The following TMEM135 variants were observed in gnomAD, a reference collection of about 807,000 sequenced individuals.
The protein encoded by TMEM135 is peroxisomal membrane protein 52.
Under a neutral mutation model 60.3 loss-of-function variants are expected in TMEM135, and 30 were observed. That is an observed-to-expected ratio of 0.50 (90% confidence interval 0.37 to 0.68). The LOEUF is 0.68. TMEM135 is among the 30% of genes least tolerant of loss of function. The pLI, the probability that TMEM135 is intolerant of heterozygous loss-of-function variation, is 0.00. For missense variants in TMEM135, 468 were observed against 548.8 expected (o/e 0.85, Z 1.47); for synonymous variants, 190 against 186.7 (o/e 1.02, Z -0.14).
chr11:87,278,381 C>G (rs1030215095), intron 6 of TMEM135, among the ~76,000 whole-genome samples: 1 of 144,938 alleles, frequency 6.9e-6, no homozygotes, highest in African/African-American at 2.5e-5. Flanking sequence ...AATTTTCGTT[C>G]TTTTTTTTTT....
At chr11:87,247,517 G>A (rs913334858) in intron 6 of TMEM135, among the ~76,000 whole-genome samples, 1 of 152,148 alleles carries the variant, frequency 6.6e-6, no homozygotes, top group Non-Finnish European at 1.5e-5. Context: ...CCCAGTTCGA[G>A]CTTCCCAGCT....
At position 87,319,339 on chromosome 11, in the gene TMEM135, A is replaced by G. The variant is rs777725220; in HGVS notation, c.1206A>G (p.Pro402=). 1.7e-5 allele frequency: 27 copies of G among 1,613,464 alleles called. No homozygotes were observed. The South Asian group carries it at 2.5e-4, about 15-fold the overall frequency. Reference sequence around the variant, plus strand: ...TCATGGAAGTTCAGACTTTGAGACCATCTTACTGGAAGTTCCTTTTAAGAC... The same window carrying G: ...TCATGGAAGTTCAGACTTTGAGACCGTCTTACTGGAAGTTCCTTTTAAGAC... ...AAVMEVQTLR[P]SYWKFLLRLT... Residue 402 remains proline (P), a synonymous_variant, in exon 14 of 15, where the codon CCA becomes CCG. Coordinates refer to ENST00000305494, the MANE Select transcript of TMEM135 (RefSeq NM_022918.4).
intron 6 of TMEM135, among the ~76,000 whole-genome samples, chr11:87,246,484 T>C (rs1941274286): frequency 6.6e-6 from 1 of 152,232 alleles, no homozygotes; most frequent in African/African-American, 2.4e-5. Flanking sequence ...CACTTTCAGG[T>C]ACACCAGTCA....
At chr11:87,319,097 G>A (rs1590869506) in intron 13 of TMEM135, 5 of 527,016 alleles carry the variant, frequency 9.5e-6, no homozygotes, top group African/African-American at 7.8e-5. Flanking sequence ...TCGAGCTCCT[G>A]ATCTCAGGTA....
At chr11:87,172,419 T>C (rs934006990) in intron 5 of TMEM135, among the ~76,000 whole-genome samples, 2 of 151,382 alleles carry the variant, frequency 1.3e-5, no homozygotes, top group African/African-American at 4.9e-5. Flanking sequence ...GAAAGAAAAG[T>C]AGGTTTTTTT....
intron 1 of TMEM135, among the ~76,000 whole-genome samples, chr11:87,056,397 G>A (rs1054773231): frequency 2.0e-5 from 3 of 152,050 alleles, no homozygotes; most frequent in East Asian, 1.9e-4. Context: ...TGTGAGCCAC[G>A]GCACCTGGCC....
At chr11:87,122,437 A>ATTTATTTATTTATTTATT (rs765586434) in intron 4 of TMEM135, among the ~76,000 whole-genome samples, 2 of 144,916 alleles carry the variant, frequency 1.4e-5, no homozygotes, top group African/African-American at 2.5e-5. Context: ...TTTAGTTTTT[A>ATTTATTTATTTATTTATT]TATTTATTTA....
chr11:87,323,522 A>T lies in TMEM135; in HGVS notation c.*2189A>T. On this transcript the variant is annotated 3_prime_UTR_variant, in exon 15 of 15. Coordinates refer to ENST00000305494, the MANE Select transcript of TMEM135 (RefSeq NM_022918.4). ...TAAATAAAGTAAAATAGATCTCTGCATTCCAAAATATGTTTTTTAGTTTAT... is the reference window on the plus strand; with the variant it reads ...TAAATAAAGTAAAATAGATCTCTGCTTTCCAAAATATGTTTTTTAGTTTAT... 2.2e-6 allele frequency: 1 copy of T among 453,344 alleles called. No individual in the cohort carries two copies. The highest frequency in any genetic ancestry group is 1.6e-5 in the South Asian group (1 of 64,258). The allele number at this position is 453,344 out of a possible 1,614,324, so 28.1% of individuals were successfully genotyped here.
intron 5 of TMEM135, among the ~76,000 whole-genome samples, chr11:87,158,662 C>A (rs2135269678): frequency 6.6e-6 from 1 of 152,108 alleles, no homozygotes; most frequent in East Asian, 1.9e-4. Flanking sequence ...GACGAGGTTT[C>A]ACCATGTTAG....
Position 87,236,723 on chromosome 11 carries a change from C to T in TMEM135, c.509+39C>T, listed in dbSNP as rs567403. Reference sequence around the variant, plus strand: ...TACTTATTTACTTTAATACCCCAAACAGTATCTCTTTGTAATTTCATCAAC... The same window carrying T: ...TACTTATTTACTTTAATACCCCAAATAGTATCTCTTTGTAATTTCATCAAC... On this transcript the variant is annotated intron_variant, in intron 6 of 14. Transcript: ENST00000305494. The T allele has an allele frequency of 3.8e-5, 60 of 1,563,592 alleles. 3 individuals carry two copies. The South Asian group carries it at 6.2e-4, about 16-fold the overall frequency.
chr11:87,039,004 G>T (rs1018009739), intron 1 of TMEM135, among the ~76,000 whole-genome samples: 4 of 151,972 alleles, frequency 2.6e-5, no homozygotes, highest in East Asian at 3.9e-4. Context: ...TATTACTTTG[G>T]CCATTGAAGT....
intron 4 of TMEM135, among the ~76,000 whole-genome samples, chr11:87,109,820 C>T (rs1374556288): frequency 5.0e-5 from 6 of 120,828 alleles, no homozygotes; most frequent in Non-Finnish European, 8.3e-5. Flanking sequence ...AATTTAAAAG[C>T]ACCAACTCTT....
chr11:87,087,290 CAA>C (rs111844297), intron 3 of TMEM135, among the ~76,000 whole-genome samples: 20,233 of 133,384 alleles, frequency 0.15, 1,447 homozygotes, highest in Non-Finnish European at 0.18. Flanking sequence ...GTCTTATTTT[CAA>C]AAAAAAAAAA....
At chr11:87,227,079 A>G (rs1460564976) in intron 5 of TMEM135, among the ~76,000 whole-genome samples, 1 of 152,004 alleles carries the variant, frequency 6.6e-6, no homozygotes, top group Non-Finnish European at 1.5e-5. Flanking sequence ...AAAAAAACAC[A>G]ATGGCCAATA....
intron 4 of TMEM135, among the ~76,000 whole-genome samples, chr11:87,118,221 G>A (rs772357857): frequency 6.6e-6 from 1 of 152,114 alleles, no homozygotes; most frequent in Non-Finnish European, 1.5e-5. Context: ...CCTTAGTATT[G>A]TCAGAATGGT....
intron 6 of TMEM135, among the ~76,000 whole-genome samples, chr11:87,244,870 A>G (rs901437583): frequency 1.3e-5 from 2 of 149,084 alleles, no homozygotes; most frequent in African/African-American, 5.0e-5. Context: ...CTCTGATTTT[A>G]GTTATTTCTT....
At chr11:87,267,287 A>G (rs1351964595) in intron 6 of TMEM135, among the ~76,000 whole-genome samples, 1 of 152,166 alleles carries the variant, frequency 6.6e-6, no homozygotes, top group Non-Finnish European at 1.5e-5. Flanking sequence ...TATTTATTTC[A>G]TTTATTTAGA....
At chr11:87,174,443 A>C (rs1935749898) in intron 5 of TMEM135, among the ~76,000 whole-genome samples, 1 of 152,114 alleles carries the variant, frequency 6.6e-6, no homozygotes, top group South Asian at 2.1e-4. Flanking sequence ...TGGTTTTCAA[A>C]GTGTATACTT....
intron 1 of TMEM135, among the ~76,000 whole-genome samples, chr11:87,064,271 T>TA (rs1260354072): frequency 1.3e-5 from 2 of 152,006 alleles, no homozygotes; most frequent in Admixed American, 6.6e-5. Context: ...CCTTTTTTTT[T>TA]TTTTTTACAC....
Sources: gnomAD v4.1 joint callset for allele counts (sites outside exome capture counted in the v4.1 genomes callset) on GRCh38, gnomAD v4.1.1 for gene constraint, MANE v1.5 for transcripts, NCBI Gene and HGNC (gene_info 2026-07-23, HGNC 2026-07-21) for gene names.